NAALADL2: variants seen among roughly 807,000 people sequenced by gnomAD.
NAALADL2 encodes inactive N-acetylated-alpha-linked acidic dipeptidase-like protein 2.
NAALADL2 carries 76 observed loss-of-function variants against 87.2 expected under a neutral mutation model. That is an observed-to-expected ratio of 0.87 (90% confidence interval 0.72 to 1.05). The LOEUF (loss-of-function observed/expected upper bound fraction) is 1.05. Ranked by LOEUF, NAALADL2 falls within the 50% of genes least tolerant of loss-of-function variation. The probability of loss-of-function intolerance (pLI) is 0.00; values close to 1 mark genes in which losing one functional copy is unlikely to be tolerated. For synonymous variants in NAALADL2, 354 were observed against 331.0 expected (o/e 1.07, Z -0.75); for missense variants, 1,089 against 945.8 (o/e 1.15, Z -1.99).
chr3:174,992,714 A>G (rs1420830269), intron 1 of NAALADL2, among the ~76,000 whole-genome samples: 1 of 152,152 alleles, frequency 6.6e-6, no homozygotes, highest in East Asian at 1.9e-4. Context: ...AAAGTGTGGA[A>G]ATTTATGATA....
At chr3:175,245,040 CT>C (rs1560222325) in intron 3 of NAALADL2, among the ~76,000 whole-genome samples, 1 of 152,098 alleles carries the variant, frequency 6.6e-6, no homozygotes, top group African/African-American at 2.4e-5. Context: ...ATAATTATCT[CT>C]TTAATACCCT....
At chr3:175,543,204 A>G (rs867770047) in intron 9 of NAALADL2, among the ~76,000 whole-genome samples, 1 of 151,968 alleles carries the variant, frequency 6.6e-6, no homozygotes, top group African/African-American at 2.4e-5. Context: ...GTAGGTTCAA[A>G]CTCCTCCCAT....
chr3:175,779,196 T>C (rs1750674136), intron 13 of NAALADL2, among the ~76,000 whole-genome samples: 1 of 152,216 alleles, frequency 6.6e-6, no homozygotes, highest in African/African-American at 2.4e-5. Flanking sequence ...CACATAGGAA[T>C]TTAATCTCCT....
At chr3:175,077,328 G>A (rs977243681) in intron 1 of NAALADL2, among the ~76,000 whole-genome samples, 2 of 152,094 alleles carry the variant, frequency 1.3e-5, no homozygotes, top group South Asian at 2.1e-4. Flanking sequence ...TTTGTTTGAC[G>A]TTCTAGTCTG....
intron 12 of NAALADL2, among the ~76,000 whole-genome samples, chr3:175,749,185 A>AGGAGGGGAAGGGAGG (rs1746311640): frequency 2.7e-5 from 1 of 37,292 alleles, no homozygotes; most frequent in Admixed American, 3.7e-4. Flanking sequence ...GAGAAGGGAG[A>AGGAGGGGAAGGGAGG]GGAGGGGAAG....
intron 1 of NAALADL2, among the ~76,000 whole-genome samples, chr3:175,025,998 A>G (rs969110289): frequency 1.4e-4 from 21 of 152,126 alleles, no homozygotes; most frequent in Admixed American, 1.1e-3. Context: ...TTTTGTAAAG[A>G]CGGGGTCTCC....
intron 2 of NAALADL2, among the ~76,000 whole-genome samples, chr3:174,606,433 A>T (rs1001769307): frequency 6.6e-6 from 1 of 152,166 alleles, no homozygotes; most frequent in African/African-American, 2.4e-5. Flanking sequence ...AAAAATTTAG[A>T]CGAATGTATA....
At chr3:175,558,065 G>C (rs985490969) in intron 9 of NAALADL2, among the ~76,000 whole-genome samples, 10 of 151,460 alleles carry the variant, frequency 6.6e-5, no homozygotes, top group Non-Finnish European at 1.5e-4. Flanking sequence ...CGTGGTGGCG[G>C]GCGCCTGTAG....
chr3:175,643,059 C>A (rs1729514356), intron 11 of NAALADL2, among the ~76,000 whole-genome samples: 1 of 152,110 alleles, frequency 6.6e-6, no homozygotes. Flanking sequence ...TTTAGGAGAA[C>A]AACAGTGTAT....
intron 1 of NAALADL2, among the ~76,000 whole-genome samples, chr3:174,520,006 A>G (rs1720177252): frequency 6.6e-6 from 1 of 152,202 alleles, no homozygotes; most frequent in South Asian, 2.1e-4. Flanking sequence ...ACATTTATCC[A>G]AGGAAGTGAA....
intron 5 of NAALADL2, among the ~76,000 whole-genome samples, chr3:175,386,423 T>C (rs1015879202): frequency 6.6e-6 from 1 of 152,048 alleles, no homozygotes; most frequent in Middle Eastern, 3.2e-3. Flanking sequence ...TCCTGATCTG[T>C]TTAGATTCAA....
Position 175,234,074 on chromosome 3 carries a change from C to G in NAALADL2, c.689C>G (p.Thr230Ser). ...LLDLPGPSPS[T>S]VTLSSSGQCF... ...GATCTGCCAGGCCCTTCTCCCAGCACTGTGACTCTGAGCAGCAGTGGTCAA... is the reference window on the plus strand; with the variant it reads ...GATCTGCCAGGCCCTTCTCCCAGCAGTGTGACTCTGAGCAGCAGTGGTCAA... The change falls in exon 3 of 14, where the codon ACT becomes AGT. Residue 230 changes from threonine to serine, a missense_variant. By Grantham distance (58) the Thr-to-Ser change is moderately conservative. Coordinates refer to ENST00000454872, the MANE Select transcript of NAALADL2 (RefSeq NM_207015.3). The G allele has an allele frequency of 6.2e-7, 1 of 1,613,940 alleles. No individual in the cohort carries two copies. The highest frequency in any genetic ancestry group is 8.5e-7 in the Non-Finnish European group (1 of 1,179,858).
chr3:175,734,252 T>G (rs1490961105), intron 11 of NAALADL2, among the ~76,000 whole-genome samples: 1 of 152,104 alleles, frequency 6.6e-6, no homozygotes, highest in Admixed American at 6.6e-5. Flanking sequence ...CCATACACCT[T>G]ATGAAATCTA....
intron 10 of NAALADL2, among the ~76,000 whole-genome samples, chr3:175,591,114 C>CA (rs1201272609): frequency 6.6e-6 from 1 of 152,098 alleles, no homozygotes; most frequent in Non-Finnish European, 1.5e-5. Context: ...GAAAAAATGA[C>CA]ACTTCAACTT....
At chr3:174,546,598 C>T (rs1418010142) in intron 1 of NAALADL2, among the ~76,000 whole-genome samples, 1 of 152,172 alleles carries the variant, frequency 6.6e-6, no homozygotes, top group Admixed American at 6.5e-5. Context: ...TCTGCTAATT[C>T]AGATACACTT....
intron 10 of NAALADL2, among the ~76,000 whole-genome samples, chr3:175,604,969 G>T (rs1723485674): frequency 6.6e-6 from 1 of 152,174 alleles, no homozygotes. Flanking sequence ...ATAATCCATG[G>T]CTTAGACGGT....
At chr3:174,597,932 A>G (rs1718074694) in intron 2 of NAALADL2, among the ~76,000 whole-genome samples, 2 of 152,098 alleles carry the variant, frequency 1.3e-5, no homozygotes, top group African/African-American at 2.4e-5. Context: ...TTTTCTTTTC[A>G]TAGCACTTAT....
intron 5 of NAALADL2, among the ~76,000 whole-genome samples, chr3:175,383,331 C>CACAAT: frequency 1.3e-5 from 2 of 151,936 alleles, no homozygotes; most frequent in Middle Eastern, 6.8e-3. Flanking sequence ...AACTATGGGG[C>CACAAT]ACAATATGAT....
At chr3:174,459,585 G>A (rs28439177) in intron 1 of NAALADL2, 20,794 of 152,210 alleles carry the variant, frequency 0.14, 2,429 homozygotes, top group East Asian at 0.43. Flanking sequence ...TAGCTCGATT[G>A]TAGAATTGCT....
Sources: gnomAD v4.1 joint callset for allele counts (sites outside exome capture counted in the v4.1 genomes callset) on GRCh38, gnomAD v4.1.1 for gene constraint, MANE v1.5 for transcripts, NCBI Gene and HGNC (gene_info 2026-07-23, HGNC 2026-07-21) for gene names.